The following PCDHGA12 variants were observed in gnomAD, a reference collection of about 807,000 sequenced individuals.
PCDHGA12 encodes protocadherin gamma subfamily A, 12, also known as protocadherin gamma-A12.
Under a neutral mutation model 61.1 loss-of-function variants are expected in PCDHGA12, and 43 were observed. The ratio of observed to expected loss-of-function variants is 0.70; its 90% CI spans 0.55 to 0.91. The LOEUF (loss-of-function observed/expected upper bound fraction) is 0.91. PCDHGA12 is among the 40% of genes least tolerant of loss of function. The pLI, the probability that PCDHGA12 is intolerant of heterozygous loss-of-function variation, is 0.00. For missense variants in PCDHGA12, 1,236 were observed against 1,227.7 expected (o/e 1.01, Z -0.10); for synonymous variants, 520 against 542.9 (o/e 0.96, Z 0.59).
intron 1 of PCDHGA12, among the ~76,000 whole-genome samples, chr5:141,471,913 G>A (rs1307168228): frequency 6.6e-6 from 1 of 152,164 alleles, no homozygotes. Context: ...CAAGCATGAG[G>A]GAAATTTTGG....
rs764363553 is a variant in PCDHGA12 at position 141,432,120 on chromosome 5, A to C, written c.1361A>C (p.Gln454Pro). The C allele has an allele frequency of 1.2e-6, 2 of 1,613,978 alleles. No homozygotes were observed. Among genetic ancestry groups the C allele is most frequent in the African/African-American group, 2.7e-5 (2 of 74,894 alleles). ...DTNDNPPVFP[Q>P]ASYSAYIPEN... ...AACGACAACCCGCCGGTCTTCCCTC[A>C]GGCCTCCTATTCCGCTTATATCCCA... Residue 454 changes from glutamine to proline, a missense_variant, in exon 1 of 4, where the codon CAG (glutamine) becomes CCG (proline). Physicochemically the swap from Gln to Pro is moderately conservative, Grantham distance 76. Transcript: ENST00000252085. The surrounding 1 kb of genome is among the most constrained non-coding windows in gnomAD (Gnocchi z 6.0).
chr5:141,445,828 G>A (rs1188169953), intron 1 of PCDHGA12, among the ~76,000 whole-genome samples: 2 of 152,188 alleles, frequency 1.3e-5, no homozygotes, highest in African/African-American at 2.4e-5. Context: ...AAGGCAGGGA[G>A]AGCCTTGTAA....
chr5:141,506,994 G>A (rs1053891468), intron 3 of PCDHGA12: 1 of 152,126 alleles, frequency 6.6e-6, no homozygotes, highest in Non-Finnish European at 1.5e-5. Context: ...TCTCACACTC[G>A]ACAGATGAGA....
intron 3 of PCDHGA12, among the ~76,000 whole-genome samples, chr5:141,509,532 A>C (rs2099877210): frequency 6.6e-6 from 1 of 152,124 alleles, no homozygotes; most frequent in African/African-American, 2.4e-5. Flanking sequence ...GCACAGGATG[A>C]AGCACCATCT....
Position 141,477,312 on chromosome 5 carries a change from TTACTTC to T in PCDHGA12, c.2425-17493_2425-17488del, listed in dbSNP as rs773034406. Reference sequence around the variant, plus strand: ...GTTCCACCGGGTCTCCCTTTCAGCCTTACTTCTTCCCTCAAGAATTACTTCACTTTG... The same window carrying T: ...GTTCCACCGGGTCTCCCTTTCAGCCTTTCCCTCAAGAATTACTTCACTTTG... On this transcript the variant is annotated intron_variant, in intron 1 of 3. Coordinates refer to ENST00000252085, the MANE Select transcript of PCDHGA12 (RefSeq NM_003735.3). The surrounding 1 kb of genome is among the most constrained non-coding windows in gnomAD (Gnocchi z 4.9). The T allele has an allele frequency of 2.5e-6, 4 of 1,614,162 alleles. No homozygotes were observed. Among genetic ancestry groups the T allele is most frequent in the Non-Finnish European group, 3.4e-6 (4 of 1,180,032 alleles).
Position 141,490,397 on chromosome 5 carries a change from G to A in PCDHGA12, c.2425-4410G>A. 6.2e-7 allele frequency: 1 copy of A among 1,614,170 alleles called. No individual in the cohort carries two copies. Among genetic ancestry groups the A allele is most frequent in the South Asian group, 1.1e-5 (1 of 91,080 alleles). On this transcript the variant is annotated intron_variant, in intron 1 of 3. Coordinates refer to ENST00000252085, the MANE Select transcript of PCDHGA12 (RefSeq NM_003735.3). This position sits in a 1 kb window ranked among gnomAD's most constrained non-coding sequence, Gnocchi z 5.4. ...GACTCAGGTAGAAATGGTGAAGTGA[G>A]CCTTGATATCTCTCCGGACCTGCCA...
chr5:141,436,089 T>C (rs1001252646), intron 1 of PCDHGA12, among the ~76,000 whole-genome samples: 1 of 152,204 alleles, frequency 6.6e-6, no homozygotes, highest in Non-Finnish European at 1.5e-5. Context: ...ATAGGTAATA[T>C]TGAGAGAAAT....
At chr5:141,499,189 C>T (rs1406015145) in intron 2 of PCDHGA12, among the ~76,000 whole-genome samples, 3 of 152,088 alleles carry the variant, frequency 2.0e-5, no homozygotes, top group African/African-American at 7.2e-5. Flanking sequence ...AAACCATTTC[C>T]CCCTTCTTAG....
chr5:141,504,541 C>G (rs1050153403), intron 2 of PCDHGA12, among the ~76,000 whole-genome samples: 2 of 151,728 alleles, frequency 1.3e-5, no homozygotes, highest in Non-Finnish European at 2.9e-5. Context: ...GTCATCATGG[C>G]AAATGTTGGG....
chr5:141,501,964 A>G (rs1374872785), intron 2 of PCDHGA12, among the ~76,000 whole-genome samples: 1 of 151,854 alleles, frequency 6.6e-6, no homozygotes, highest in East Asian at 1.9e-4. Flanking sequence ...TCATCCTCCT[A>G]ACCTCTGGCA....
chr5:141,494,925 G>T (rs936071950), intron 2 of PCDHGA12, 60 bp downstream of exon 2: 1 of 1,613,316 alleles, frequency 6.2e-7, no homozygotes. Flanking sequence ...GGGATGACGT[G>T]GGAGGAGATG....
Position 141,486,979 on chromosome 5 carries a change from C to T in PCDHGA12, c.2425-7828C>T. On this transcript the variant is annotated intron_variant, in intron 1 of 3. Transcript: ENST00000252085. This position sits in a 1 kb window ranked among gnomAD's most constrained non-coding sequence, Gnocchi z 5.0. ...CTGCTGTGGACTTGGATTCAGGTTACAATGCTTGGGTTTCCTATCAGCTCC... is the reference window on the plus strand; with the variant it reads ...CTGCTGTGGACTTGGATTCAGGTTATAATGCTTGGGTTTCCTATCAGCTCC... 6.2e-7 allele frequency: 1 copy of T among 1,614,200 alleles called. No individual in the cohort carries two copies. Among genetic ancestry groups the T allele is most frequent in the Non-Finnish European group, 8.5e-7 (1 of 1,180,032 alleles).
rs1554136305 is a variant in PCDHGA12, at chr5:141,450,006, CT to C, written c.2424+16841del. Reference sequence around the variant, plus strand: ...CACATTGCATTTAGTTGCCATGTCTCTTTTTTTTTTTTTTTTTTGAGACAGG... The same window carrying C: ...CACATTGCATTTAGTTGCCATGTCTCTTTTTTTTTTTTTTTTTGAGACAGG... On this transcript the variant is annotated intron_variant, in intron 1 of 3. Coordinates refer to ENST00000252085, the MANE Select transcript of PCDHGA12 (RefSeq NM_003735.3). Among the ~76,000 whole-genome samples, 140 of 132,944 alleles carry C rather than the reference CT, an allele frequency of 1.1e-3. 2 individuals are homozygous for C. In the Middle Eastern group the frequency reaches 0.016, roughly 15 times the overall value. 87.2% of individuals were successfully genotyped at this position (132,944 alleles called of 152,430 possible). A position where few individuals can be genotyped will look rare whatever the true frequency, so the allele number is the denominator to read the frequency against.
chr5:141,491,560 T>C lies in PCDHGA12; in HGVS notation c.2425-3247T>C. 1 of 1,613,986 alleles carries C rather than the reference T, an allele frequency of 6.2e-7. No homozygotes were observed. Among genetic ancestry groups the C allele is most frequent in the Non-Finnish European group, 8.5e-7 (1 of 1,180,026 alleles). ...GCCCACAGACTCGCAGAGCCACTGCTACAGGACGTGCTTTTCACCGGCCTC... is the reference window on the plus strand; with the variant it reads ...GCCCACAGACTCGCAGAGCCACTGCCACAGGACGTGCTTTTCACCGGCCTC... On this transcript the variant is annotated intron_variant, in intron 1 of 3. Coordinates refer to ENST00000252085, the MANE Select transcript of PCDHGA12 (RefSeq NM_003735.3). This position sits in a 1 kb window ranked among gnomAD's most constrained non-coding sequence, Gnocchi z 6.9.
At chr5:141,496,888 T>TAA (rs35063790) in intron 2 of PCDHGA12, among the ~76,000 whole-genome samples, 141 of 134,106 alleles carry the variant, frequency 1.1e-3, no homozygotes, top group East Asian at 2.4e-3. Context: ...AAGTAACACT[T>TAA]AAAAAAAAAA....
Position 141,491,045 on chromosome 5 carries a change from A to G in PCDHGA12, c.2425-3762A>G, listed in dbSNP as rs1452139285. 2 of 1,613,970 alleles carry G rather than the reference A, an allele frequency of 1.2e-6. No individual in the cohort carries two copies. The highest frequency in any genetic ancestry group is 1.1e-5 in the South Asian group (1 of 91,090). On this transcript the variant is annotated intron_variant, in intron 1 of 3. Coordinates refer to ENST00000252085, the MANE Select transcript of PCDHGA12 (RefSeq NM_003735.3). This position sits in a 1 kb window ranked among gnomAD's most constrained non-coding sequence, Gnocchi z 6.9. ...GCCGTGGATGCTGATGCAGGCCACA[A>G]TGCGTGGCTCTCCTACTCACTGTTG...
rs1293684074 is a variant in PCDHGA12 at position 141,512,899 on chromosome 5, C to T, written c.*1726C>T. On this transcript the variant is annotated 3_prime_UTR_variant, in exon 4 of 4. Transcript: ENST00000252085. ...CCCACCCCACCCTCTTCCTGTGTCT[C>T]ACGCAAGTTTTATACTCTAATATTT... 1 of 152,260 alleles carries T rather than the reference C, an allele frequency of 6.6e-6. No homozygotes were observed. Among genetic ancestry groups the T allele is most frequent in the Non-Finnish European group, 1.5e-5 (1 of 68,064 alleles). 9.4% of individuals were successfully genotyped at this position (152,260 alleles called of 1,614,324 possible). A position where few individuals can be genotyped will look rare whatever the true frequency, so the allele number is the denominator to read the frequency against.
At position 141,489,871 on chromosome 5, in the gene PCDHGA12, G is replaced by C; in HGVS notation, c.2425-4936G>C. ...TGAAGCCCAGGCAAGACATCAGCTGGTGCTTACTGCTGTGGATGGGGGGAC... is the reference window on the plus strand; with the variant it reads ...TGAAGCCCAGGCAAGACATCAGCTGCTGCTTACTGCTGTGGATGGGGGGAC... On this transcript the variant is annotated intron_variant, in intron 1 of 3. Coordinates refer to ENST00000252085, the MANE Select transcript of PCDHGA12 (RefSeq NM_003735.3). The surrounding 1 kb of genome is among the most constrained non-coding windows in gnomAD (Gnocchi z 4.5). 1 of 1,614,206 alleles carries C rather than the reference G, an allele frequency of 6.2e-7. No individual in the cohort carries two copies.
At chr5:141,464,916 T>C (rs1298310554) in intron 1 of PCDHGA12, among the ~76,000 whole-genome samples, 1 of 152,024 alleles carries the variant, frequency 6.6e-6, no homozygotes, top group Non-Finnish European at 1.5e-5. Flanking sequence ...TTTTTTTATT[T>C]TTTTGTAGAG....
Sources: gnomAD v4.1 joint callset for allele counts (sites outside exome capture counted in the v4.1 genomes callset) on GRCh38, gnomAD v4.1.1 for gene constraint, Gnocchi (gnomAD v3.1) non-coding constraint, MANE v1.5 for transcripts, NCBI Gene and HGNC (gene_info 2026-07-23, HGNC 2026-07-21) for gene names.